The following SLC24A4 variants were observed in gnomAD, a reference collection of about 807,000 sequenced individuals.
SLC24A4 encodes solute carrier family 24 member 4, also known as sodium/potassium/calcium exchanger 4.
In SLC24A4, 53 loss-of-function variants were observed where a neutral mutation model predicts 79.0. The observed-to-expected ratio is 0.67, with a 90% confidence interval of 0.54 to 0.84. SLC24A4 has a LOEUF of 0.84. Among genes scored for constraint, SLC24A4 ranks in the 40% least tolerant of loss-of-function variants. The probability of loss-of-function intolerance (pLI) is 0.00; values close to 1 mark genes in which losing one functional copy is unlikely to be tolerated. For synonymous variants in SLC24A4, 323 were observed against 323.8 expected (o/e 1.00, Z 0.03); for missense variants, 731 against 822.0 (o/e 0.89, Z 1.35).
chr14:92,445,402 T>C (rs1892745132), intron 8 of SLC24A4, 60 bp downstream of exon 8: 1 of 1,537,888 alleles, frequency 6.5e-7, no homozygotes. Context: ...AGTATCCTTA[T>C]TTGTTGGGTT....
chr14:92,373,809 C>T (rs1382990286), intron 2 of SLC24A4, among the ~76,000 whole-genome samples: 1 of 152,234 alleles, frequency 6.6e-6, no homozygotes, highest in East Asian at 1.9e-4. Context: ...ATGGATAATT[C>T]CAAACAAGTA....
rs1895636102 is a variant in SLC24A4 at position 92,490,786 on chromosome 14, T to C, written c.1538-879T>C. The stretch of plus-strand genomic sequence containing the variant: ...CTGACAAGCCTGGCAGGAGAGATCA[T>C]GAAGGGCCCGCATGCATCTGCTAGG... On this transcript the variant is annotated intron_variant, in intron 14 of 16. Transcript: ENST00000532405. This position sits in a 1 kb window ranked among gnomAD's most constrained non-coding sequence, Gnocchi z 4.3. 6.6e-6 allele frequency among the ~76,000 whole-genome samples: 1 copy of C among 152,200 alleles called. No homozygotes were observed. Among genetic ancestry groups the C allele is most frequent in the Non-Finnish European group, 1.5e-5 (1 of 68,028 alleles).
At chr14:92,436,223 A>G (rs1001565546) in intron 3 of SLC24A4, among the ~76,000 whole-genome samples, 6 of 152,236 alleles carry the variant, frequency 3.9e-5, no homozygotes, top group East Asian at 1.9e-4. Context: ...AAACTGCCTT[A>G]TAAAACCATC....
intron 2 of SLC24A4, among the ~76,000 whole-genome samples, chr14:92,382,277 A>T (rs901298664): frequency 6.6e-6 from 1 of 152,140 alleles, no homozygotes; most frequent in East Asian, 1.9e-4. Flanking sequence ...ATTATCAAAC[A>T]TATATATATG....
chr14:92,482,944 G>GC (rs1895145036), intron 13 of SLC24A4, 98 bp downstream of exon 13: 2 of 1,258,678 alleles, frequency 1.6e-6, no homozygotes, highest in Non-Finnish European at 2.2e-6. Context: ...GCCACCTTTG[G>GC]GCGAGTCACT....
intron 2 of SLC24A4, among the ~76,000 whole-genome samples, chr14:92,378,157 C>T (rs1306816655): frequency 3.3e-5 from 5 of 152,098 alleles, no homozygotes; most frequent in Non-Finnish European, 7.4e-5. Context: ...CTGTAGAATT[C>T]CATGGCACAA....
At chr14:92,391,892 C>T (rs1029908429) in intron 2 of SLC24A4, among the ~76,000 whole-genome samples, 42 of 152,252 alleles carry the variant, frequency 2.8e-4, no homozygotes, top group African/African-American at 9.1e-4. Flanking sequence ...CCATGGTGGG[C>T]GTTCAGATGA....
intron 12 of SLC24A4, among the ~76,000 whole-genome samples, chr14:92,471,804 G>T (rs964088778): frequency 6.6e-6 from 1 of 152,096 alleles, no homozygotes; most frequent in African/African-American, 2.4e-5. Flanking sequence ...AAGGAAAATT[G>T]GCATGCTGTT....
chr14:92,391,553 G>A (rs1595208000), intron 2 of SLC24A4, among the ~76,000 whole-genome samples: 1 of 152,336 alleles, frequency 6.6e-6, no homozygotes, highest in East Asian at 1.9e-4. Flanking sequence ...AGGTGCAGTT[G>A]ATTGCAGTGG....
intron 2 of SLC24A4, among the ~76,000 whole-genome samples, chr14:92,416,932 C>G (rs1308749359): frequency 6.6e-6 from 1 of 152,044 alleles, no homozygotes; most frequent in Non-Finnish European, 1.5e-5. Flanking sequence ...ACATATTAAG[C>G]ACTTATATGT....
chr14:92,452,487 A>G (rs1359369200), intron 10 of SLC24A4: 1 of 152,148 alleles, frequency 6.6e-6, no homozygotes, highest in Non-Finnish European at 1.5e-5. Context: ...GATGCTCCCC[A>G]TAGAAGGAGC....
intron 2 of SLC24A4, among the ~76,000 whole-genome samples, chr14:92,421,251 T>G (rs1891263733): frequency 6.6e-6 from 1 of 152,156 alleles, no homozygotes. Context: ...ATTCAGTAGG[T>G]CTCTCTTCAA....
intron 2 of SLC24A4, among the ~76,000 whole-genome samples, chr14:92,418,317 G>A (rs1595249475): frequency 6.6e-6 from 1 of 152,144 alleles, no homozygotes; most frequent in South Asian, 2.1e-4. Flanking sequence ...CTACGTGCTC[G>A]TCCTGCTGCC....
intron 2 of SLC24A4, among the ~76,000 whole-genome samples, chr14:92,335,459 A>G (rs1885731960): frequency 6.6e-6 from 1 of 151,502 alleles, no homozygotes; most frequent in Non-Finnish European, 1.5e-5. Context: ...GGTTCAAGCA[A>G]TTCTCCTCCC....
Position 92,372,867 on chromosome 14 carries a change from CCCTTCCTTCCTT to C in SLC24A4, c.241+46930_241+46941del, listed in dbSNP as rs1276150058. ...CCTCTAGAACAGAAAGGGTCACTGT[CCCTTCCTTCCTT>C]CCTTCCTTCCTTCCTTCCTTCCTTC... On this transcript the variant is annotated intron_variant, in intron 2 of 16. Coordinates refer to ENST00000532405, the MANE Select transcript of SLC24A4 (RefSeq NM_153646.4). Among the ~76,000 whole-genome samples the C allele has an allele frequency of 3.0e-4, 33 of 109,894 alleles. 1 individual carries two copies. Among genetic ancestry groups the C allele is most frequent in the Admixed American group, 7.5e-4 (8 of 10,698 alleles). The allele number at this position is 109,894 out of a possible 152,430, so 72.1% of individuals were successfully genotyped here.
intron 12 of SLC24A4, among the ~76,000 whole-genome samples, chr14:92,481,138 C>A (rs147745156): frequency 2.6e-5 from 4 of 152,286 alleles, no homozygotes; most frequent in East Asian, 3.9e-4. Flanking sequence ...TTGCACAGAG[C>A]CTCAAAGTTA....
intron 3 of SLC24A4, among the ~76,000 whole-genome samples, chr14:92,439,015 G>C (rs886335233): frequency 2.6e-5 from 4 of 152,170 alleles, no homozygotes; most frequent in Non-Finnish European, 5.9e-5. Context: ...GTTCCGGGGG[G>C]TTTCGAGAAT....
rs1363998499 is a variant in SLC24A4, at chr14:92,493,577, G to A, written c.1818G>A (p.Glu606=). 6 of 1,614,076 alleles carry A rather than the reference G, an allele frequency of 3.7e-6. No homozygotes were observed. The South Asian group carries it at 5.5e-5, about 15-fold the overall frequency. The part of the protein sequence containing the change: ...AIFLCFSIMI[E]FNVFTFVNLP... ...TCTTGTGCTTCTCCATAATGATAGA[G>A]TTTAACGTCTTTACCTTCGTCAACT... The change falls in exon 17 of 17, where the codon GAG becomes GAA. Residue 606 remains glutamate, a synonymous_variant. Coordinates refer to ENST00000532405, the MANE Select transcript of SLC24A4 (RefSeq NM_153646.4).
chr14:92,343,697 C>CTTCCTTCA (rs1886356779), intron 2 of SLC24A4, among the ~76,000 whole-genome samples: 1 of 138,484 alleles, frequency 7.2e-6, no homozygotes, highest in African/African-American at 3.0e-5. Context: ...TCCTTCCTTC[C>CTTCCTTCA]TTCCTTTCTT....
Sources: allele counts gnomAD v4.1 joint callset (sites outside exome capture counted in the v4.1 genomes callset), GRCh38; gene constraint gnomAD v4.1.1; non-coding constraint Gnocchi (gnomAD v3.1); transcripts MANE v1.5; gene names NCBI Gene and HGNC (gene_info 2026-07-23, HGNC 2026-07-21).